VPS13D: variants seen among roughly 807,000 people sequenced by gnomAD.
VPS13D encodes intermembrane lipid transfer protein VPS13D.
A neutral mutation model predicts 461.9 loss-of-function variants in VPS13D; 187 were observed. The ratio of observed to expected loss-of-function variants is 0.40; its 90% CI spans 0.36 to 0.46. The LOEUF (loss-of-function observed/expected upper bound fraction) is 0.46, where lower values mean the gene tolerates loss of function less well. Among genes scored for constraint, VPS13D ranks in the 20% least tolerant of loss-of-function variants. The pLI, the probability that VPS13D is intolerant of heterozygous loss-of-function variation, is 0.60. For missense variants in VPS13D, 4,711 were observed against 5,364.9 expected, an observed-to-expected ratio of 0.88 and a Z score of 3.81; for synonymous variants, 1,951 against 1,986.3, an observed-to-expected ratio of 0.98 and a Z score of 0.47.
At chr1:12,441,204 G>A (rs1645126991) in intron 65 of VPS13D, among the ~76,000 whole-genome samples, 1 of 152,202 alleles carries the variant, frequency 6.6e-6, no homozygotes, top group African/African-American at 2.4e-5. Flanking sequence ...TGGGATTACA[G>A]GTGTGAGCAA....
intron 65 of VPS13D, 24 bp from the exon 66 acceptor site, chr1:12,455,974 T>G (rs377301357): frequency 1.3e-6 from 2 of 1,583,066 alleles, no homozygotes; most frequent in South Asian, 2.3e-5. Flanking sequence ...TTAAAACTCT[T>G]CTCCTGCTTT....
intron 60 of VPS13D, among the ~76,000 whole-genome samples, chr1:12,399,825 C>CA (rs1000004030): frequency 1.3e-5 from 2 of 151,516 alleles, no homozygotes; most frequent in East Asian, 1.9e-4. Context: ...CTCAGAAAAA[C>CA]AAAAAAATAT....
rs1639905731 is a variant in VPS13D, at chr1:12,230,054, T to C, written c.-143T>C. 6.6e-6 allele frequency: 1 copy of C among 151,790 alleles called. No homozygotes were observed. Among genetic ancestry groups the C allele is most frequent in the Non-Finnish European group, 1.5e-5 (1 of 67,922 alleles). The allele number at this position is 151,790 out of a possible 1,614,324, so 9.4% of individuals were successfully genotyped here. Reference sequence around the variant, plus strand: ...CCTGAGCGCCGCGGGCCTGCGCCATTGAGGAGCGGCGGGGAGGAAACGCCG... The same window carrying C: ...CCTGAGCGCCGCGGGCCTGCGCCATCGAGGAGCGGCGGGGAGGAAACGCCG... On this transcript the variant is annotated 5_prime_UTR_variant, in exon 1 of 70. Transcript: ENST00000620676.
At chr1:12,433,284 A>C (rs79995089) in intron 65 of VPS13D, among the ~76,000 whole-genome samples, 1,887 of 152,200 alleles carry the variant, frequency 0.012, 54 homozygotes, top group African/African-American at 0.043. Context: ...AAAAACAAAA[A>C]AACAACAACA....
intron 63 of VPS13D, among the ~76,000 whole-genome samples, chr1:12,408,451 C>A (rs1349024827): frequency 6.6e-6 from 1 of 152,154 alleles, no homozygotes. Context: ...GCAGCCTCAA[C>A]CTCCTGGGCT....
In VPS13D at chr1:12,322,023, G is replaced by A. The variant is rs887922493; in HGVS notation, c.7704+59G>A. The A allele has an allele frequency of 3.0e-5, 48 of 1,577,088 alleles. 1 individual carries two copies. Among genetic ancestry groups the A allele is most frequent in the Non-Finnish European group, 8.6e-6 (10 of 1,164,684 alleles). ...TGCTCTCAAACACTGTCCTATGCAG[G>A]CACTCTTATTTGCTCTGAGCCCAAC... is the stretch of plus-strand genomic sequence containing the variant. On this transcript the variant is annotated intron_variant, in intron 33 of 69. Transcript: ENST00000620676.
At chr1:12,391,854 G>A (rs532042769) in intron 60 of VPS13D, among the ~76,000 whole-genome samples, 1 of 152,022 alleles carries the variant, frequency 6.6e-6, no homozygotes, top group Non-Finnish European at 1.5e-5. Context: ...AAGATGTTTT[G>A]TGTTTTTTTT....
chr1:12,331,604 C>T (rs188481241), intron 37 of VPS13D, among the ~76,000 whole-genome samples: 2,987 of 149,570 alleles, frequency 0.02, 128 homozygotes, highest in Admixed American at 0.11. Flanking sequence ...CCCAGCTACT[C>T]GGGAGGCTGA....
rs200728350 is a variant in VPS13D at position 12,507,281 on chromosome 1, C to T, written c.13035+188C>T. On this transcript the variant is annotated intron_variant, in intron 69 of 69. Coordinates refer to ENST00000620676, the MANE Select transcript of VPS13D (RefSeq NM_015378.4). The surrounding 1 kb of genome is among the most constrained non-coding windows in gnomAD (Gnocchi z 5.3). ...TGTTCACGGGGCGATGCTGCCCTCC[C>T]AGCTGGCCCATGGGTGACCCTGGGA... 6.8e-5 allele frequency: 72 copies of T among 1,052,486 alleles called. No individual in the cohort carries two copies. The Middle Eastern group carries it at 8.0e-4, about 12-fold the overall frequency. 65.2% of individuals were successfully genotyped at this position (1,052,486 alleles called of 1,614,324 possible).
rs1205139529 is a variant in VPS13D, at chr1:12,299,065, C to G, written c.6034-137C>G. 1.4e-6 allele frequency: 1 copy of G among 709,234 alleles called. No individual in the cohort carries two copies. The highest frequency in any genetic ancestry group is 2.1e-6 in the Non-Finnish European group (1 of 473,154). 43.9% of individuals were successfully genotyped at this position (709,234 alleles called of 1,614,324 possible). A position where few individuals can be genotyped will look rare whatever the true frequency, so the allele number is the denominator to read the frequency against. ...CTTGTTACTGACTTCCAGTTTAACT[C>G]CATGGTGGTCATAGAATATGCTCTG... is the stretch of plus-strand genomic sequence containing the variant. On this transcript the variant is annotated intron_variant, in intron 24 of 69. Transcript: ENST00000620676. The surrounding 1 kb of genome is among the most constrained non-coding windows in gnomAD (Gnocchi z 4.2).
intron 65 of VPS13D, among the ~76,000 whole-genome samples, chr1:12,430,376 G>T (rs906502032): frequency 2.0e-5 from 3 of 152,154 alleles, no homozygotes; most frequent in African/African-American, 7.2e-5. Flanking sequence ...TGTGGAAGAG[G>T]ACCAGGCTCT....
At chr1:12,244,764 A>G (rs1224230252) in intron 5 of VPS13D, 147 bp downstream of exon 5, 2 of 697,534 alleles carry the variant, frequency 2.9e-6, no homozygotes, top group Non-Finnish European at 2.4e-6. Context: ...GCCCTTTTGT[A>G]GGCTGTGCCA....
At chr1:12,304,275 T>G (rs1172624562) in intron 25 of VPS13D, among the ~76,000 whole-genome samples, 1 of 152,210 alleles carries the variant, frequency 6.6e-6, no homozygotes, top group Non-Finnish European at 1.5e-5. Flanking sequence ...CAGCAAGTAT[T>G]GAACTATATG....
intron 68 of VPS13D, among the ~76,000 whole-genome samples, chr1:12,501,883 G>A (rs1463276916): frequency 1.3e-5 from 2 of 152,214 alleles, no homozygotes; most frequent in Non-Finnish European, 2.9e-5. Context: ...GGAGGCGGAG[G>A]AATGTGCCAA....
Position 12,510,552 on chromosome 1 carries a change from TGTGC to T in VPS13D, c.*1530_*1533del, listed in dbSNP as rs1308700541. 2.2e-4 allele frequency: 33 copies of T among 152,390 alleles called. No homozygotes were observed. The highest frequency in any genetic ancestry group is 4.2e-4 in the African/African-American group (17 of 40,402). The allele number at this position is 152,390 out of a possible 1,614,324, so 9.4% of individuals were successfully genotyped here. ...GTGTGTGTGTGTGTGTGTGTGTGTGTGTGCGCGCGCGCGCGTGCATGCAGAGAGG... is the reference window on the plus strand; with the variant it reads ...GTGTGTGTGTGTGTGTGTGTGTGTGTGCGCGCGCGCGTGCATGCAGAGAGG... On this transcript the variant is annotated 3_prime_UTR_variant, in exon 70 of 70. Coordinates refer to ENST00000620676, the MANE Select transcript of VPS13D (RefSeq NM_015378.4).
intron 2 of VPS13D, among the ~76,000 whole-genome samples, chr1:12,234,779 A>G (rs1210092372): frequency 2.0e-5 from 3 of 152,228 alleles, no homozygotes; most frequent in African/African-American, 4.8e-5. Context: ...CAGAGATAAT[A>G]TACCTCCAGA....
Position 12,304,704 on chromosome 1 carries a change from G to C in VPS13D, c.6415G>C (p.Val2139Leu), listed in dbSNP as rs1642514457. 1 of 1,613,946 alleles carries C rather than the reference G, an allele frequency of 6.2e-7. No individual in the cohort carries two copies. The highest frequency in any genetic ancestry group is 8.5e-7 in the Non-Finnish European group (1 of 1,180,016). The change falls in exon 26 of 70, where the codon GTT (valine) becomes CTT (leucine). Residue 2139 changes from valine to leucine, a missense_variant. Val to Leu is a conservative substitution (Grantham distance 32). This residue lies in a region of VPS13D where 4,411 missense variants were observed against 4,937.8 expected (regional missense o/e 0.89). Transcript: ENST00000620676. ...KQQGPQPTLSVGQESSSPEDH... is the reference protein window; with the variant it reads ...KQQGPQPTLSLGQESSSPEDH... ...GCAAGGGCCGCAACCCACACTGTCT[G>C]TTGGCCAAGAGTCCAGTAGTCCAGG...
intron 60 of VPS13D, 97 bp downstream of exon 60, chr1:12,386,431 G>C: frequency 7.4e-7 from 1 of 1,356,504 alleles, no homozygotes; most frequent in Non-Finnish European, 9.9e-7. Flanking sequence ...TAATGTTTTG[G>C]AGGAAATATC....
chr1:12,456,510 T>C (rs6671582), intron 66 of VPS13D, among the ~76,000 whole-genome samples: 25,843 of 151,710 alleles, frequency 0.17, 3,433 homozygotes, highest in African/African-American at 0.36. Flanking sequence ...TGGTGGTACA[T>C]GCCTGTAGTC....
Sources: gnomAD v4.1 joint callset for allele counts (sites outside exome capture counted in the v4.1 genomes callset) on GRCh38, gnomAD v4.1.1 for gene constraint, gnomAD v4.1.1 regional missense constraint, Gnocchi (gnomAD v3.1) non-coding constraint, MANE v1.5 for transcripts, NCBI Gene and HGNC (gene_info 2026-07-23, HGNC 2026-07-21) for gene names.